QDPR: variants seen among roughly 807,000 people sequenced by gnomAD.
The protein encoded by QDPR is quinoid dihydropteridine reductase, also known as dihydropteridine reductase.
QDPR carries 23 observed loss-of-function variants against 31.7 expected under a neutral mutation model. That is an observed-to-expected ratio of 0.73 (90% CI 0.52 to 1.03). The LOEUF is 1.03. QDPR is among the 50% of genes least tolerant of loss of function. The pLI is 0.00. For synonymous variants in QDPR, 124 were observed against 124.7 expected, an observed-to-expected ratio of 0.99 and a Z score of 0.03; for missense variants, 324 against 323.8, an observed-to-expected ratio of 1.00 and a Z score of 0.00.
In QDPR at chr4:17,486,663, T is replaced by C. The variant is rs699460; in HGVS notation, c.*468A>G. On this transcript the variant is annotated 3_prime_UTR_variant, in exon 7 of 7. Transcript: ENST00000281243. The stretch of plus-strand genomic sequence containing the variant: ...AAAGGATACCAGGACAGAGTCCATG[T>C]AGTTTTGCTTATACCACAAAAGGAG... 1 of 187,254 alleles carries C rather than the reference T, an allele frequency of 5.3e-6. No individual in the cohort carries two copies. The highest frequency in any genetic ancestry group is 1.1e-5 in the Non-Finnish European group (1 of 88,002). 11.6% of individuals were successfully genotyped at this position (187,254 alleles called of 1,614,324 possible).
intron 4 of QDPR, chr4:17,492,541 G>T: frequency 1.6e-6 from 1 of 608,024 alleles, no homozygotes; most frequent in Non-Finnish European, 3.0e-6. Flanking sequence ...GGGAACACGT[G>T]GGTTGGGAAT....
intron 1 of QDPR, among the ~76,000 whole-genome samples, 168 bp from the exon 2 acceptor site, chr4:17,509,531 G>C (rs888601582): frequency 2.0e-5 from 3 of 152,090 alleles, no homozygotes; most frequent in East Asian, 3.9e-4. Flanking sequence ...TTTGAGACCA[G>C]CCTGGGCAAC....
At chr4:17,501,208 A>T (rs964291640) in intron 4 of QDPR, among the ~76,000 whole-genome samples, 5 of 152,150 alleles carry the variant, frequency 3.3e-5, no homozygotes, top group Non-Finnish European at 5.9e-5. Context: ...TAATGTAGAG[A>T]TAGGGTCTCA....
Position 17,501,877 on chromosome 4 carries a change from G to A in QDPR, c.296-18C>T, listed in dbSNP as rs770021666. ...AAAGAGAGCTGAGTGAAAAAAACAT[G>A]TGGGCTCAGCATTCCCAGGAAAGAA... is the stretch of plus-strand genomic sequence containing the variant. On this transcript the variant is annotated intron_variant, in intron 3 of 6. Coordinates refer to ENST00000281243, the MANE Select transcript of QDPR (RefSeq NM_000320.3). 4.3e-6 allele frequency: 7 copies of A among 1,613,846 alleles called. No individual in the cohort carries two copies. In the Admixed American group the frequency reaches 1.0e-4, roughly 23 times the overall value.
intron 4 of QDPR, among the ~76,000 whole-genome samples, chr4:17,493,985 C>A (rs1285032294): frequency 1.3e-5 from 2 of 152,128 alleles, no homozygotes; most frequent in African/African-American, 4.8e-5. Context: ...TAGCACAGGA[C>A]AGGCACTCAA....
intron 4 of QDPR, 21 bp from the exon 5 acceptor site, chr4:17,492,361 G>C (rs551704463): frequency 2.6e-5 from 41 of 1,598,540 alleles, no homozygotes; most frequent in Admixed American, 5.0e-5. Context: ...GGGAGAAGAT[G>C]GCTCAGTGAC....
chr4:17,505,860 G>T (rs1003163899), intron 2 of QDPR, among the ~76,000 whole-genome samples: 1 of 152,136 alleles, frequency 6.6e-6, no homozygotes, highest in African/African-American at 2.4e-5. Context: ...TCTTCCTTTG[G>T]TGGAGTAGTA....
chr4:17,506,611 T>C (rs1718796347), intron 2 of QDPR, among the ~76,000 whole-genome samples: 1 of 152,202 alleles, frequency 6.6e-6, no homozygotes, highest in Non-Finnish European at 1.5e-5. Context: ...TTACCCCCAT[T>C]TAAAAGGAGG....
At position 17,492,358 on chromosome 4, in the gene QDPR, G is replaced by A. The variant is rs758883698; in HGVS notation, c.437-18C>T. 3.7e-6 allele frequency: 6 copies of A among 1,604,800 alleles called. No individual in the cohort carries two copies. Among genetic ancestry groups the A allele is most frequent in the East Asian group, 4.5e-5 (2 of 44,832 alleles). On this transcript the variant is annotated intron_variant, in intron 4 of 6. Transcript: ENST00000281243. ...GATCATACCTGGGAAATGGGGAGAA[G>A]ATGGCTCAGTGACCACTGGCGGCCA...
intron 3 of QDPR, among the ~76,000 whole-genome samples, chr4:17,502,077 C>G (rs1322765786): frequency 1.3e-5 from 2 of 152,226 alleles, no homozygotes. Flanking sequence ...CTTACCTATA[C>G]ACTGGCAAAA....
chr4:17,508,659 C>T (rs1718877817), intron 2 of QDPR, among the ~76,000 whole-genome samples: 1 of 146,694 alleles, frequency 6.8e-6, no homozygotes, highest in African/African-American at 2.5e-5. Context: ...CAAAGCTTAC[C>T]ATAAACTATA....
chr4:17,489,357 G>C (rs1225329656), intron 6 of QDPR, among the ~76,000 whole-genome samples: 1 of 152,238 alleles, frequency 6.6e-6, no homozygotes, highest in Non-Finnish European at 1.5e-5. Context: ...GTTCCATCTA[G>C]AGTAGGTCTT....
chr4:17,491,312 A>C (rs1244093470), intron 5 of QDPR, among the ~76,000 whole-genome samples: 2 of 152,258 alleles, frequency 1.3e-5, no homozygotes, highest in East Asian at 1.9e-4. Context: ...ATGTCACAGA[A>C]TCACAGAACC....
intron 1 of QDPR, among the ~76,000 whole-genome samples, chr4:17,510,432 A>T (rs747925151): frequency 6.6e-6 from 1 of 152,212 alleles, no homozygotes; most frequent in African/African-American, 2.4e-5. Flanking sequence ...TCTTGGTCTG[A>T]AGTCCCCAGA....
intron 4 of QDPR, among the ~76,000 whole-genome samples, chr4:17,496,005 T>C (rs974569629): frequency 3.3e-5 from 5 of 150,176 alleles, no homozygotes; most frequent in Non-Finnish European, 1.5e-5. Context: ...AGCCAGACCA[T>C]ATCTCCAAAA....
chr4:17,503,675 C>T (rs1333722260), intron 3 of QDPR, among the ~76,000 whole-genome samples: 3 of 152,250 alleles, frequency 2.0e-5, no homozygotes, highest in East Asian at 1.9e-4. Context: ...ATGGGCCAGG[C>T]GCACTGGCTC....
chr4:17,505,160 C>T (rs767469622), intron 2 of QDPR, among the ~76,000 whole-genome samples: 17 of 151,988 alleles, frequency 1.1e-4, no homozygotes, highest in Admixed American at 2.0e-4. Context: ...TCTGGCCATC[C>T]ACCACGACTC....
At chr4:17,499,865 G>A (rs1336666564) in intron 4 of QDPR, among the ~76,000 whole-genome samples, 1 of 152,130 alleles carries the variant, frequency 6.6e-6, no homozygotes, top group Non-Finnish European at 1.5e-5. Flanking sequence ...GCTACAGTGA[G>A]CTAGATCATA....
At chr4:17,490,618 G>C in intron 6 of QDPR, 44 bp downstream of exon 6, 1 of 1,497,186 alleles carries the variant, frequency 6.7e-7, no homozygotes, top group Non-Finnish European at 9.3e-7. Flanking sequence ...GCAGAGAATA[G>C]GGGCTGGAAG....
Sources: gnomAD v4.1 joint callset for allele counts (sites outside exome capture counted in the v4.1 genomes callset) on GRCh38, gnomAD v4.1.1 for gene constraint, MANE v1.5 for transcripts, NCBI Gene and HGNC (gene_info 2026-07-23, HGNC 2026-07-21) for gene names.